USP48: variants seen among roughly 807,000 people sequenced by gnomAD.
USP48 encodes the protein ubiquitin specific peptidase 48.
USP48 carries 43 observed loss-of-function variants against 150.7 expected under a neutral mutation model. That is an observed-to-expected ratio of 0.29 (90% confidence interval 0.22 to 0.37). The LOEUF (loss-of-function observed/expected upper bound fraction) is 0.37, where lower values mean the gene tolerates loss of function less well. Ranked by LOEUF, USP48 falls within the 10% of genes least tolerant of loss-of-function variation. The pLI, the probability that USP48 is intolerant of heterozygous loss-of-function variation, is 1.00. For missense variants in USP48, 813 were observed against 1,249.6 expected, an observed-to-expected ratio of 0.65 and a Z score of 5.27; for synonymous variants, 396 against 425.9, an observed-to-expected ratio of 0.93 and a Z score of 0.86.
At chr1:21,777,092 C>T (rs1572065501) in intron 1 of USP48, among the ~76,000 whole-genome samples, 1 of 150,554 alleles carries the variant, frequency 6.6e-6, no homozygotes, top group African/African-American at 2.4e-5. Flanking sequence ...TCAGCCTGGA[C>T]AACAGAGCCA....
intron 22 of USP48, among the ~76,000 whole-genome samples, chr1:21,699,056 G>C (rs1166017492): frequency 6.6e-6 from 1 of 152,012 alleles, no homozygotes; most frequent in Non-Finnish European, 1.5e-5. Flanking sequence ...CATGCACAGA[G>C]TCTTGCTCTG....
intron 1 of USP48, 69 bp from the exon 2 acceptor site, chr1:21,757,852 C>A: frequency 6.7e-7 from 1 of 1,489,876 alleles, no homozygotes; most frequent in Non-Finnish European, 8.9e-7. Flanking sequence ...CAAATTAAAA[C>A]TAAAATGAGA....
At chr1:21,711,094 A>T (rs528528895) in intron 15 of USP48, among the ~76,000 whole-genome samples, 32 of 151,806 alleles carry the variant, frequency 2.1e-4, no homozygotes, top group Non-Finnish European at 4.3e-4. Context: ...GGAATTATTT[A>T]TATATATATA....
chr1:21,775,306 G>A (rs900591261), intron 1 of USP48, among the ~76,000 whole-genome samples: 1 of 151,882 alleles, frequency 6.6e-6, no homozygotes, highest in Admixed American at 6.6e-5. Flanking sequence ...CTGTCACCCA[G>A]GTTGGCGTGC....
Position 21,678,966 on chromosome 1 carries a change from C to A in USP48, c.*451G>T. The A allele has an allele frequency of 5.2e-6, 1 of 192,920 alleles. No homozygotes were observed. Among genetic ancestry groups the A allele is most frequent in the South Asian group, 9.8e-5 (1 of 10,196 alleles). The allele number at this position is 192,920 out of a possible 1,614,324, so 12.0% of individuals were successfully genotyped here. On this transcript the variant is annotated 3_prime_UTR_variant, in exon 27 of 27. Coordinates refer to ENST00000308271, the MANE Select transcript of USP48 (RefSeq NM_032236.8). ...TGAATCAAAGACAGGCATTGGTAAG[C>A]AGGTTATGTCTCTAAAATTACTTTT...
intron 3 of USP48, 45 bp from the exon 4 acceptor site, chr1:21,753,164 T>A (rs763912889): frequency 6.4e-7 from 1 of 1,564,916 alleles, no homozygotes; most frequent in South Asian, 1.2e-5. Flanking sequence ...AAGGTGCTAC[T>A]TTTCTTTCCA....
chr1:21,687,270 A>C, intron 24 of USP48, 31 bp from the exon 25 acceptor site: 2 of 1,605,008 alleles, frequency 1.2e-6, no homozygotes, highest in Non-Finnish European at 1.7e-6. Flanking sequence ...ATTCAAAACC[A>C]CAAGGGAGAG....
At chr1:21,692,225 A>G (rs1464609198) in intron 23 of USP48, among the ~76,000 whole-genome samples, 1 of 152,122 alleles carries the variant, frequency 6.6e-6, no homozygotes, top group Admixed American at 6.6e-5. Context: ...GTGGCTAGCA[A>G]TGAAAAGTGC....
intron 12 of USP48, among the ~76,000 whole-genome samples, chr1:21,723,684 C>CA (rs1427604254): frequency 4.0e-5 from 6 of 151,826 alleles, no homozygotes; most frequent in African/African-American, 1.2e-4. Flanking sequence ...AGAAACAAAC[C>CA]AAAAAAACAA....
intron 1 of USP48, among the ~76,000 whole-genome samples, chr1:21,773,519 A>G (rs2097888455): frequency 6.6e-6 from 1 of 152,160 alleles, no homozygotes; most frequent in Admixed American, 6.6e-5. Flanking sequence ...ATAAAATTAA[A>G]AAGATGCTCA....
intron 10 of USP48, among the ~76,000 whole-genome samples, chr1:21,728,957 G>C (rs1490791146): frequency 6.6e-6 from 1 of 152,096 alleles, no homozygotes; most frequent in East Asian, 1.9e-4. Context: ...CAGCCTCCCA[G>C]AACAATCGAA....
intron 2 of USP48, 62 bp downstream of exon 2, chr1:21,757,601 A>ACAAAAG: frequency 4.5e-6 from 7 of 1,567,086 alleles, no homozygotes; most frequent in Non-Finnish European, 6.0e-6. Flanking sequence ...CAGGCCCAAA[A>ACAAAAG]CAAAAGCAAA....
rs2097918680 is a variant in USP48, at chr1:21,783,086, G to A, written c.-129C>T. ...TGGCGCTCCTTCAGGCAGCTGGCCA[G>A]TCAATCACCTGTGCGCGCCACTGCC... On this transcript the variant is annotated 5_prime_UTR_variant, in exon 1 of 27. Coordinates refer to ENST00000308271, the MANE Select transcript of USP48 (RefSeq NM_032236.8). 1.5e-6 allele frequency: 2 copies of A among 1,311,388 alleles called. No individual in the cohort carries two copies. The highest frequency in any genetic ancestry group is 1.6e-5 in the African/African-American group (1 of 63,882). 81.2% of individuals were successfully genotyped at this position (1,311,388 alleles called of 1,614,324 possible). A position where few individuals can be genotyped will look rare whatever the true frequency, so the allele number is the denominator to read the frequency against.
At chr1:21,752,487 T>C (rs377020849) in intron 5 of USP48, 40 bp downstream of exon 5, 2 of 1,600,172 alleles carry the variant, frequency 1.2e-6, no homozygotes, top group African/African-American at 2.7e-5. Flanking sequence ...GCAACTGTCT[T>C]AGAATAAAAT....
At chr1:21,737,808 T>C (rs2152564297) in intron 8 of USP48, among the ~76,000 whole-genome samples, 1 of 152,308 alleles carries the variant, frequency 6.6e-6, no homozygotes, top group African/African-American at 2.4e-5. Context: ...TCCACATTAA[T>C]GAACACTTAT....
intron 23 of USP48, among the ~76,000 whole-genome samples, chr1:21,693,464 A>G (rs112758191): frequency 1.8e-3 from 268 of 152,306 alleles, no homozygotes; most frequent in African/African-American, 6.2e-3. Context: ...TGGTCCCTGA[A>G]GCAAGAGTGG....
chr1:21,772,863 A>G (rs1290890843), intron 1 of USP48, among the ~76,000 whole-genome samples: 1 of 151,548 alleles, frequency 6.6e-6, no homozygotes, highest in Non-Finnish European at 1.5e-5. Context: ...CAAAGGTTGC[A>G]GTGAGCTGAG....
At chr1:21,685,491 T>A (rs900598815) in intron 25 of USP48, among the ~76,000 whole-genome samples, 2 of 152,146 alleles carry the variant, frequency 1.3e-5, no homozygotes, top group Non-Finnish European at 2.9e-5. Context: ...ATTTTTGTAA[T>A]TTTAGTAGAG....
chr1:21,715,697 CT>C (rs2097702295), intron 14 of USP48, among the ~76,000 whole-genome samples: 1 of 152,102 alleles, frequency 6.6e-6, no homozygotes, highest in African/African-American at 2.4e-5. Flanking sequence ...AGAAAATGTG[CT>C]TTTTTAAATT....
Sources: allele counts gnomAD v4.1 joint callset (sites outside exome capture counted in the v4.1 genomes callset), GRCh38; gene constraint gnomAD v4.1.1; transcripts MANE v1.5; gene names NCBI Gene and HGNC (gene_info 2026-07-23, HGNC 2026-07-21).